Variants in MINK1 observed in about 807,000 individuals in gnomAD.
MINK1 encodes the protein misshapen-like kinase 1.
MINK1 carries 46 observed loss-of-function variants against 178.4 expected under a neutral mutation model. The observed-to-expected ratio is 0.26, with a 90% CI of 0.20 to 0.33. MINK1 has a LOEUF of 0.33. MINK1 is among the 10% of genes least tolerant of loss of function. The pLI is 1.00. For missense variants in MINK1, 1,366 were observed against 1,814.9 expected (o/e 0.75, Z 4.49); for synonymous variants, 797 against 709.7 (o/e 1.12, Z -1.96).
At chr17:4,876,640 G>A (rs1420859129) in intron 1 of MINK1, among the ~76,000 whole-genome samples, 4 of 152,088 alleles carry the variant, frequency 2.6e-5, no homozygotes, top group African/African-American at 9.7e-5. Context: ...AAGGAGAAAG[G>A]AGTTTTAGAT....
rs62073636 is a variant in MINK1, at chr17:4,885,028, C to T, written c.508+26C>T. ...GTGCGCCGGCTCCTTCTGAGGCTGA[C>T]GAGGACCTTTCACCTCCAGAACAGA... is the stretch of plus-strand genomic sequence containing the variant. On this transcript the variant is annotated intron_variant, in intron 6 of 31. Coordinates refer to ENST00000355280, the MANE Select transcript of MINK1 (RefSeq NM_153827.5). This position sits in a 1 kb window ranked among gnomAD's most constrained non-coding sequence, Gnocchi z 5.0. The T allele has an allele frequency of 0.03, 48,244 of 1,609,810 alleles. 850 individuals are homozygous for T. Among genetic ancestry groups the T allele is most frequent in the Non-Finnish European group, 0.036 (42,358 of 1,176,620 alleles).
In MINK1 at chr17:4,897,373, C is replaced by G. The variant is rs997264815; in HGVS notation, c.*86C>G. The G allele has an allele frequency of 7.7e-7, 1 of 1,292,078 alleles. No individual in the cohort carries two copies. The highest frequency in any genetic ancestry group is 1.1e-6 in the Non-Finnish European group (1 of 907,816). 80.0% of individuals were successfully genotyped at this position (1,292,078 alleles called of 1,614,324 possible). On this transcript the variant is annotated 3_prime_UTR_variant, in exon 32 of 32. Coordinates refer to ENST00000355280, the MANE Select transcript of MINK1 (RefSeq NM_153827.5). ...CCCGGGCCGCCCCTCTTTCCCCTCC[C>G]TGGGCTTTTGCTTTTACTGGTTTGA... is the stretch of plus-strand genomic sequence containing the variant.
intron 1 of MINK1, among the ~76,000 whole-genome samples, chr17:4,841,451 G>A (rs1365252814): frequency 1.3e-5 from 2 of 152,004 alleles, no homozygotes; most frequent in Non-Finnish European, 2.9e-5. Context: ...ACTGAGGATC[G>A]GTAGGGCTGA....
In MINK1 at chr17:4,896,608, C is replaced by G. The variant is rs569713175; in HGVS notation, c.3775+20C>G. ...CTGTGGGTGAGTGAGCTGCCGCCCT[C>G]CCAGCCACATGCCCCGAGGTGGCCC... On this transcript the variant is annotated intron_variant, in intron 30 of 31. Coordinates refer to ENST00000355280, the MANE Select transcript of MINK1 (RefSeq NM_153827.5). This position sits in a 1 kb window ranked among gnomAD's most constrained non-coding sequence, Gnocchi z 4.6. The G allele has an allele frequency of 5.0e-6, 8 of 1,613,364 alleles. No individual in the cohort carries two copies. The highest frequency in any genetic ancestry group is 3.3e-5 in the Admixed American group (2 of 59,974).
chr17:4,859,955 G>T (rs1366266250), intron 1 of MINK1, among the ~76,000 whole-genome samples: 2 of 152,102 alleles, frequency 1.3e-5, no homozygotes, highest in Non-Finnish European at 2.9e-5. Flanking sequence ...CGGGTACAGA[G>T]GGAAGGGGCG....
intron 1 of MINK1, among the ~76,000 whole-genome samples, chr17:4,872,396 TG>T (rs1915962241): frequency 6.6e-6 from 1 of 151,262 alleles, no homozygotes; most frequent in Non-Finnish European, 1.5e-5. Flanking sequence ...CCCAGCAGTT[TG>T]GGAGGCCAAG....
intron 1 of MINK1, among the ~76,000 whole-genome samples, chr17:4,850,192 C>T (rs1017146590): frequency 1.3e-5 from 2 of 148,888 alleles, no homozygotes; most frequent in African/African-American, 5.2e-5. Context: ...TAGTATCTAG[C>T]AATGCCTCTA....
chr17:4,893,264 C>T (rs755750951), intron 20 of MINK1, 170 bp from the exon 21 acceptor site: 2 of 1,613,036 alleles, frequency 1.2e-6, no homozygotes, highest in African/African-American at 1.3e-5. Flanking sequence ...CTGGCTCTTT[C>T]TTCCCCTGCG....
intron 1 of MINK1, among the ~76,000 whole-genome samples, chr17:4,853,422 G>A (rs1455760494): frequency 9.9e-6 from 1 of 100,760 alleles, no homozygotes; most frequent in African/African-American, 4.0e-5. Context: ...GTGGAGTGTG[G>A]TTGAGGGGGA....
Position 4,842,794 on chromosome 17 carries a change from G to A in MINK1, c.57+9154G>A, listed in dbSNP as rs547121616. Among the ~76,000 whole-genome samples, 9 of 152,322 alleles carry A rather than the reference G, an allele frequency of 5.9e-5. No individual in the cohort carries two copies. In the East Asian group the frequency reaches 1.5e-3, roughly 26 times the overall value. ...CGTCTTAGAGAGGGGCCAGCACATC[G>A]TCTCTTCTCTGGGGTCTTTTCATCC... On this transcript the variant is annotated intron_variant, in intron 1 of 31. Coordinates refer to ENST00000355280, the MANE Select transcript of MINK1 (RefSeq NM_153827.5).
chr17:4,894,490 C>T lies in MINK1; in HGVS notation c.2809-35C>T, dbSNP rs754730760. 3 of 1,552,138 alleles carry T rather than the reference C, an allele frequency of 1.9e-6. No individual in the cohort carries two copies. The highest frequency in any genetic ancestry group is 2.4e-5 in the South Asian group (2 of 84,984). The stretch of plus-strand genomic sequence containing the variant: ...AGGGGCAGGGCCGCAGCTGGACTTG[C>T]ACTTGTTTGCCTGACTGCTGTCCCC... On this transcript the variant is annotated intron_variant, in intron 23 of 31. Coordinates refer to ENST00000355280, the MANE Select transcript of MINK1 (RefSeq NM_153827.5). This position sits in a 1 kb window ranked among gnomAD's most constrained non-coding sequence, Gnocchi z 4.1.
chr17:4,881,851 C>T (rs1967726094), intron 4 of MINK1, among the ~76,000 whole-genome samples: 2 of 152,276 alleles, frequency 1.3e-5, no homozygotes, highest in African/African-American at 4.8e-5. Context: ...ACATGTTCCC[C>T]CAGCCTCACC....
At chr17:4,844,437 C>T in intron 1 of MINK1, 2 of 436,956 alleles carry the variant, frequency 4.6e-6, no homozygotes, top group South Asian at 3.3e-5. Flanking sequence ...TGGCCTGTTT[C>T]ATGGGCTGGA....
intron 1 of MINK1, among the ~76,000 whole-genome samples, chr17:4,858,093 A>G (rs895579907): frequency 6.6e-6 from 1 of 152,130 alleles, no homozygotes; most frequent in Non-Finnish European, 1.5e-5. Context: ...TTAAAGCTCC[A>G]TTTGCATAGC....
At chr17:4,860,724 T>C (rs1253548284) in intron 1 of MINK1, 1 of 519,794 alleles carries the variant, frequency 1.9e-6, no homozygotes, top group Non-Finnish European at 3.8e-6. Flanking sequence ...TCAAGGCTGG[T>C]GTGTGCCTGG....
intron 21 of MINK1, 70 bp from the exon 22 acceptor site, chr17:4,893,918 C>T (rs2151064218): frequency 2.3e-6 from 3 of 1,288,058 alleles, no homozygotes; most frequent in East Asian, 2.6e-5. Context: ...CTCTGGCTGC[C>T]ATCTGCTGCC....
At chr17:4,855,769 CA>C (rs1226267230) in intron 1 of MINK1, among the ~76,000 whole-genome samples, 106 of 50,056 alleles carry the variant, frequency 2.1e-3, no homozygotes, top group South Asian at 9.4e-3. Context: ...GACTCCGTCT[CA>C]AAAAAAAAAA....
At chr17:4,854,571 G>A (rs1388667227) in intron 1 of MINK1, among the ~76,000 whole-genome samples, 1 of 152,220 alleles carries the variant, frequency 6.6e-6, no homozygotes, top group Non-Finnish European at 1.5e-5. Flanking sequence ...GTCAGTGTGT[G>A]TGTGCATGCG....
chr17:4,863,197 G>A (rs1379816890), intron 1 of MINK1, among the ~76,000 whole-genome samples: 2 of 152,174 alleles, frequency 1.3e-5, no homozygotes, highest in African/African-American at 4.8e-5. Context: ...GTAACAGCGG[G>A]GGATAGCTAG....
Sources: allele counts gnomAD v4.1 joint callset (sites outside exome capture counted in the v4.1 genomes callset), GRCh38; gene constraint gnomAD v4.1.1; non-coding constraint Gnocchi (gnomAD v3.1); transcripts MANE v1.5; gene names NCBI Gene and HGNC (gene_info 2026-07-23, HGNC 2026-07-21).